GNL2: variants seen among roughly 807,000 people sequenced by gnomAD.
GNL2 encodes the protein G protein nucleolar 2, also known as nucleolar GTP-binding protein 2.
A neutral mutation model predicts 92.3 loss-of-function variants in GNL2; 51 were observed. That is an observed-to-expected ratio of 0.55 (90% confidence interval 0.44 to 0.70). The LOEUF is 0.70. GNL2 is among the 30% of genes least tolerant of loss of function. The pLI is 0.00. For missense variants in GNL2, 844 were observed against 895.6 expected, an observed-to-expected ratio of 0.94 and a Z score of 0.74; for synonymous variants, 283 against 300.6, an observed-to-expected ratio of 0.94 and a Z score of 0.61.
intron 3 of GNL2, among the ~76,000 whole-genome samples, chr1:37,591,983 C>G (rs775221529): frequency 4.6e-5 from 7 of 152,172 alleles, no homozygotes; most frequent in African/African-American, 9.7e-5. Context: ...ACCCAGCAGC[C>G]ATGCTAAATG....
intron 15 of GNL2, 63 bp from the exon 16 acceptor site, chr1:37,567,070 A>G: frequency 6.6e-7 from 1 of 1,519,576 alleles, no homozygotes; most frequent in African/African-American, 1.4e-5. Flanking sequence ...GTCATTCACA[A>G]AACAGGAGTC....
In GNL2 at chr1:37,566,949, G is replaced by A; in HGVS notation, c.2102C>T (p.Thr701Ile). 1 of 1,613,924 alleles carries A rather than the reference G, an allele frequency of 6.2e-7. No individual in the cohort carries two copies. Among genetic ancestry groups the A allele is most frequent in the Non-Finnish European group, 8.5e-7 (1 of 1,179,924 alleles). ...CCTGTTCCTATTTTTCACGTTGTGT[G>A]TTTCATAGTAGCGCACACCAACTTT... ...PKKVGVRYYE[T>I]HNVKNRNRNK... Residue 701 changes from threonine (T) to isoleucine (I), a missense_variant, in exon 16 of 16, where the codon ACA (threonine) becomes ATA (isoleucine). Coordinates refer to ENST00000373062, the MANE Select transcript of GNL2 (RefSeq NM_013285.3).
intron 8 of GNL2, chr1:37,581,310 A>AAC: frequency 2.2e-6 from 1 of 454,204 alleles, no homozygotes; most frequent in Non-Finnish European, 4.4e-6. Flanking sequence ...AGGTAGAATT[A>AAC]ACTAAATAGA....
intron 3 of GNL2, among the ~76,000 whole-genome samples, chr1:37,591,791 G>C (rs1450216346): frequency 6.6e-6 from 1 of 152,192 alleles, no homozygotes; most frequent in Non-Finnish European, 1.5e-5. Flanking sequence ...ACAGGCGTGA[G>C]CCACTGCGCC....
intron 8 of GNL2, chr1:37,581,613 A>G (rs1297617408): frequency 4.6e-6 from 2 of 435,370 alleles, no homozygotes; most frequent in South Asian, 3.2e-5. Flanking sequence ...AACACTTCAG[A>G]ATCTCTTATA....
Position 37,575,713 on chromosome 1 carries a change from A to G in GNL2, c.1039-14T>C, listed in dbSNP as rs1270974381. Reference sequence around the variant, plus strand: ...ATACTGCCAGACCTGAAGTCAGAAAAAAGTCAGAGATGTCCTGTATCAAAC... The same window carrying G: ...ATACTGCCAGACCTGAAGTCAGAAAGAAGTCAGAGATGTCCTGTATCAAAC... On this transcript the variant is annotated splice_polypyrimidine_tract_variant and intron_variant, in intron 9 of 15. Transcript: ENST00000373062. The surrounding 1 kb of genome is among the most constrained non-coding windows in gnomAD (Gnocchi z 4.1). 1.3e-6 allele frequency: 2 copies of G among 1,508,218 alleles called. No individual in the cohort carries two copies. The highest frequency in any genetic ancestry group is 2.8e-5 in the African/African-American group (2 of 71,854). The allele number at this position is 1,508,218 out of a possible 1,614,324, so 93.4% of individuals were successfully genotyped here.
In GNL2 at chr1:37,595,760, T is replaced by C; in HGVS notation, c.63A>G (p.Pro21=). 1 of 1,613,984 alleles carries C rather than the reference T, an allele frequency of 6.2e-7. No homozygotes were observed. Among genetic ancestry groups the C allele is most frequent in the Non-Finnish European group, 8.5e-7 (1 of 1,179,800 alleles). The change falls in exon 1 of 16, where the codon CCA becomes CCG. Residue 21 remains proline, a splice_region_variant and synonymous_variant. Transcript: ENST00000373062. ...CTCGATCAGCCCTGCCGCCTGTACCTGGGTTTGTGCTGGCCTTGGACGGGT... is the reference window on the plus strand; with the variant it reads ...CTCGATCAGCCCTGCCGCCTGTACCCGGGTTTGTGCTGGCCTTGGACGGGT... ...TINPSKASTN[P]DRVQGAGGQN... is the part of the protein sequence containing the mutation.
chr1:37,574,143 G>A (rs893050653), intron 12 of GNL2, among the ~76,000 whole-genome samples, 200 bp downstream of exon 12: 4 of 151,988 alleles, frequency 2.6e-5, no homozygotes, highest in Non-Finnish European at 5.9e-5. Flanking sequence ...CACCTACCTC[G>A]GCCTCCCAAA....
At position 37,575,503 on chromosome 1, in the gene GNL2, C is replaced by T. The variant is rs891495861; in HGVS notation, c.1143+92G>A. 7 of 687,888 alleles carry T rather than the reference C, an allele frequency of 1.0e-5. No homozygotes were observed. The highest frequency in any genetic ancestry group is 1.4e-5 in the Non-Finnish European group (6 of 414,764). 42.6% of individuals were successfully genotyped at this position (687,888 alleles called of 1,614,324 possible). On this transcript the variant is annotated intron_variant, in intron 10 of 15. Transcript: ENST00000373062. This position sits in a 1 kb window ranked among gnomAD's most constrained non-coding sequence, Gnocchi z 4.1. ...GGTCAGACAGGCTGACCCCAAACTG[C>T]CTTCTTAATAAGTAAAAAGGAAAGG...
At chr1:37,578,958 T>C (rs1643721051) in intron 8 of GNL2, among the ~76,000 whole-genome samples, 3 of 152,094 alleles carry the variant, frequency 2.0e-5, no homozygotes, top group Admixed American at 6.6e-5. Context: ...ATCGCACCAC[T>C]GCACTTCAGC....
Position 37,590,728 on chromosome 1 carries a change from A to G in GNL2, c.362T>C (p.Leu121Pro). 4 of 1,613,610 alleles carry G rather than the reference A, an allele frequency of 2.5e-6. No individual in the cohort carries two copies. Among genetic ancestry groups the G allele is most frequent in the Non-Finnish European group, 3.4e-6 (4 of 1,179,512 alleles). The change falls in exon 4 of 16, where the codon CTC becomes CCC. Residue 121 changes from leucine to proline, a missense_variant. By Grantham distance (98) the Leu-to-Pro change is moderately conservative. Coordinates refer to ENST00000373062, the MANE Select transcript of GNL2 (RefSeq NM_013285.3). ...MKQSKLPMSL[L>P]HDRIRPHNLK... ...TACATGAGGCCGGATTCGATCATGG[A>G]GAAGAGACATTGGTAACTTGCTTTG...
At chr1:37,567,586 A>G in intron 15 of GNL2, 87 bp downstream of exon 15, 1 of 925,784 alleles carries the variant, frequency 1.1e-6, no homozygotes. Context: ...CTTGGGATTC[A>G]GCTCTGGACC....
At position 37,593,531 on chromosome 1, in the gene GNL2, GACCTCT is replaced by G. The variant is rs1267402199; in HGVS notation, c.149+225_149+230del. 5.3e-5 allele frequency: 25 copies of G among 469,178 alleles called. No individual in the cohort carries two copies. The East Asian group carries it at 8.6e-4, about 16-fold the overall frequency. 29.1% of individuals were successfully genotyped at this position (469,178 alleles called of 1,614,324 possible). On this transcript the variant is annotated intron_variant, in intron 2 of 15. Transcript: ENST00000373062. ...TGGAGGTCAGGGCTGTGAGAAACAA[GACCTCT>G]ACTTTTGAGTATTGTGAAACCATCA...
chr1:37,592,459 C>T (rs920225255), intron 3 of GNL2, among the ~76,000 whole-genome samples: 1 of 152,130 alleles, frequency 6.6e-6, no homozygotes, highest in Non-Finnish European at 1.5e-5. Context: ...TCTGTGAATG[C>T]TAGTCATTAA....
chr1:37,574,932 T>C, intron 10 of GNL2, 109 bp from the exon 11 acceptor site: 1 of 756,378 alleles, frequency 1.3e-6, no homozygotes. Context: ...ATCACAAAGC[T>C]CGTGGAGATT....
chr1:37,568,790 C>A, intron 13 of GNL2, 61 bp downstream of exon 13: 1 of 1,256,478 alleles, frequency 8.0e-7, no homozygotes, highest in South Asian at 1.3e-5. Context: ...CTCTGGTACT[C>A]ATGGCAAATT....
At chr1:37,588,593 G>T (rs1643870222) in intron 4 of GNL2, among the ~76,000 whole-genome samples, 2 of 152,116 alleles carry the variant, frequency 1.3e-5, no homozygotes. Flanking sequence ...CTCTTAACCT[G>T]TAAGTTACAG....
intron 12 of GNL2, among the ~76,000 whole-genome samples, chr1:37,574,121 G>A (rs550693383): frequency 2.6e-5 from 4 of 152,118 alleles, no homozygotes; most frequent in Non-Finnish European, 5.9e-5. Context: ...TTGAACTCCT[G>A]ACCTTGTGAT....
At chr1:37,592,878 A>G (rs1163038482) in intron 2 of GNL2, 72 bp from the exon 3 acceptor site, 1 of 837,638 alleles carries the variant, frequency 1.2e-6, no homozygotes, top group East Asian at 2.4e-5. Flanking sequence ...TTTACAGAAT[A>G]TATTTTCCAT....
Sources: gnomAD v4.1 joint callset for allele counts (sites outside exome capture counted in the v4.1 genomes callset) on GRCh38, gnomAD v4.1.1 for gene constraint, Gnocchi (gnomAD v3.1) non-coding constraint, MANE v1.5 for transcripts, NCBI Gene and HGNC (gene_info 2026-07-23, HGNC 2026-07-21) for gene names.